Variants in FAM241A observed in about 807,000 individuals in gnomAD.
The protein encoded by FAM241A is family with sequence similarity 241 member A.
In FAM241A, 7 loss-of-function variants were observed where a neutral mutation model predicts 12.2. The ratio of observed to expected loss-of-function variants is 0.58; its 90% CI spans 0.33 to 1.08. The LOEUF is 1.08. Ranked by LOEUF, FAM241A falls within the 50% of genes least tolerant of loss-of-function variation. FAM241A has a pLI of 0.04. For synonymous variants in FAM241A, 74 were observed against 68.2 expected, an observed-to-expected ratio of 1.08 and a Z score of -0.42; for missense variants, 161 against 169.7, an observed-to-expected ratio of 0.95 and a Z score of 0.29.
Position 112,188,277 on chromosome 4 carries a change from C to A in FAM241A, c.*1339C>A, listed in dbSNP as rs1466875496. The A allele has an allele frequency of 6.6e-6, 1 of 152,092 alleles. No homozygotes were observed. Among genetic ancestry groups the A allele is most frequent in the African/African-American group, 2.4e-5 (1 of 41,444 alleles). 9.4% of individuals were successfully genotyped at this position (152,092 alleles called of 1,614,324 possible). ...GGCATTTGTATCTTTGGTAGGGCAACAAGTAAAACATGTAGAGTGCTTGCT... is the reference window on the plus strand; with the variant it reads ...GGCATTTGTATCTTTGGTAGGGCAAAAAGTAAAACATGTAGAGTGCTTGCT... On this transcript the variant is annotated 3_prime_UTR_variant, in exon 2 of 2. Transcript: ENST00000309733.
Position 112,145,719 on chromosome 4 carries a change from A to G in FAM241A, c.139A>G (p.Lys47Glu). The change falls in exon 1 of 2, where the codon AAG becomes GAG. Residue 47 changes from lysine (K) to glutamate (E), a missense_variant. By Grantham distance (56) the Lys-to-Glu change is moderately conservative (BLOSUM62 1). Coordinates refer to ENST00000309733, the MANE Select transcript of FAM241A (RefSeq NM_152400.3). ...CCCGCGGCGGCGCGGACAGCGGCCG[A>G]AGGAGAGCGAGCAGGTGAGCGCGGG... is the stretch of plus-strand genomic sequence containing the variant. ...ASPRRRGQRP[K>E]ESEQDVEDSQ... 8.4e-7 allele frequency: 1 copy of G among 1,193,336 alleles called. No homozygotes were observed. The highest frequency in any genetic ancestry group is 1.0e-6 in the Non-Finnish European group (1 of 963,442). The allele number at this position is 1,193,336 out of a possible 1,614,324, so 73.9% of individuals were successfully genotyped here.
At chr4:112,171,753 G>A (rs1723726103) in intron 1 of FAM241A, among the ~76,000 whole-genome samples, 2 of 152,128 alleles carry the variant, frequency 1.3e-5, no homozygotes, top group African/African-American at 4.8e-5. Flanking sequence ...CAGCTACTCA[G>A]GAGGCTGAGG....
In FAM241A at chr4:112,188,646, A is replaced by T. The variant is rs955962154; in HGVS notation, c.*1708A>T. On this transcript the variant is annotated 3_prime_UTR_variant, in exon 2 of 2. Transcript: ENST00000309733. ...GCACAATAGAATTGTGAGGTTTTCAATAGATGTCATGAGATTTTGTATATC... is the reference window on the plus strand; with the variant it reads ...GCACAATAGAATTGTGAGGTTTTCATTAGATGTCATGAGATTTTGTATATC... 1 of 152,156 alleles carries T rather than the reference A, an allele frequency of 6.6e-6. No homozygotes were observed. 9.4% of individuals were successfully genotyped at this position (152,156 alleles called of 1,614,324 possible). A position where few individuals can be genotyped will look rare whatever the true frequency, so the allele number is the denominator to read the frequency against.
rs1199078856 is a variant in FAM241A, at chr4:112,190,200, T to G, written c.*3262T>G. On this transcript the variant is annotated 3_prime_UTR_variant, in exon 2 of 2. Transcript: ENST00000309733. ...CAGAATGATAGAGGAAAAATTACAG[T>G]ATAAGTAAAGGTCTGTTGTAATATA... is the stretch of plus-strand genomic sequence containing the variant. 6.8e-6 allele frequency: 1 copy of G among 146,932 alleles called. No homozygotes were observed. Among genetic ancestry groups the G allele is most frequent in the Non-Finnish European group, 1.5e-5 (1 of 66,338 alleles). The allele number at this position is 146,932 out of a possible 1,614,324, so 9.1% of individuals were successfully genotyped here. A position where few individuals can be genotyped will look rare whatever the true frequency, so the allele number is the denominator to read the frequency against.
intron 1 of FAM241A, among the ~76,000 whole-genome samples, chr4:112,184,318 C>T (rs546272824): frequency 6.6e-6 from 1 of 152,216 alleles, no homozygotes; most frequent in South Asian, 2.1e-4. Flanking sequence ...TCACCTGAGG[C>T]CAGGAGTTCA....
rs1284199147 is a variant in FAM241A, at chr4:112,194,979, G to T, written c.*8041G>T. 6.6e-6 allele frequency: 1 copy of T among 152,102 alleles called. No homozygotes were observed. The highest frequency in any genetic ancestry group is 2.4e-5 in the African/African-American group (1 of 41,386). The allele number at this position is 152,102 out of a possible 1,614,324, so 9.4% of individuals were successfully genotyped here. ...AGTAGAGACGGGGTTTCACCATGTTGGCCAGGATGGTCTCAATCGCTTGAC... is the reference window on the plus strand; with the variant it reads ...AGTAGAGACGGGGTTTCACCATGTTTGCCAGGATGGTCTCAATCGCTTGAC... On this transcript the variant is annotated 3_prime_UTR_variant, in exon 2 of 2. Transcript: ENST00000309733.
In FAM241A at chr4:112,179,959, G is replaced by GTGTA. The variant is rs1232828517; in HGVS notation, c.154-6733_154-6732insGTAT. On this transcript the variant is annotated intron_variant, in intron 1 of 1. Transcript: ENST00000309733. ...TATATGTATATGTGTGTGTGTGTGTGTATATATATATATCACATATATTAC... is the reference window on the plus strand; with the variant it reads ...TATATGTATATGTGTGTGTGTGTGTGTGTATATATATATATATCACATATATTAC... Among the ~76,000 whole-genome samples the GTGTA allele has an allele frequency of 7.6e-4, 93 of 123,092 alleles. 2 individuals are homozygous for GTGTA. The highest frequency in any genetic ancestry group is 1.2e-3 in the Admixed American group (14 of 12,166). The allele number at this position is 123,092 out of a possible 152,430, so 80.8% of individuals were successfully genotyped here.
intron 1 of FAM241A, among the ~76,000 whole-genome samples, chr4:112,156,656 G>A (rs1443864393): frequency 6.6e-6 from 1 of 152,140 alleles, no homozygotes; most frequent in East Asian, 1.9e-4. Context: ...TGACTTCCCA[G>A]GTGAAATTAC....
rs576768170 is a variant in FAM241A at position 112,160,278 on chromosome 4, C to T, written c.153+14545C>T. ...CAAAAATTAGCTGGGCATGGTGATG[C>T]GTGCCTGTAATCCCAGCTACTCGGA... On this transcript the variant is annotated intron_variant, in intron 1 of 1. Coordinates refer to ENST00000309733, the MANE Select transcript of FAM241A (RefSeq NM_152400.3). 3.2e-3 allele frequency among the ~76,000 whole-genome samples: 485 copies of T among 151,822 alleles called. 3 individuals carry two copies. Among genetic ancestry groups the T allele is most frequent in the African/African-American group, 0.011 (435 of 41,400 alleles).
intron 1 of FAM241A, among the ~76,000 whole-genome samples, chr4:112,151,191 C>T (rs1037528484): frequency 2.0e-5 from 3 of 152,064 alleles, no homozygotes; most frequent in Non-Finnish European, 4.4e-5. Context: ...AATTGTCGCC[C>T]ACTTAGTTCA....
rs1578381187 is a variant in FAM241A, at chr4:112,186,834, C to A, written c.295C>A (p.Pro99Thr). The A allele has an allele frequency of 1.2e-6, 2 of 1,614,060 alleles. No homozygotes were observed. Among genetic ancestry groups the A allele is most frequent in the East Asian group, 2.2e-5 (1 of 44,880 alleles). ...RMYFGERIVEPVIVIFFWVML... is the reference protein window; with the variant it reads ...RMYFGERIVETVIVIFFWVML... ...GTATTTTGGAGAACGAATAGTGGAA[C>A]CAGTAATAGTCATTTTCTTTTGGGT... The change falls in exon 2 of 2, where the codon CCA becomes ACA. Residue 99 changes from proline (P) to threonine (T), a missense_variant. Physicochemically the swap from Pro to Thr is conservative, Grantham distance 38. Transcript: ENST00000309733.
chr4:112,186,242 G>A (rs997273309), intron 1 of FAM241A, among the ~76,000 whole-genome samples: 4 of 152,250 alleles, frequency 2.6e-5, no homozygotes, highest in Middle Eastern at 3.4e-3. Flanking sequence ...AGGAAACTAT[G>A]CAAGGGCCTG....
In FAM241A at chr4:112,170,886, GAA is replaced by G. The variant is rs34674981; in HGVS notation, c.154-15793_154-15792del. On this transcript the variant is annotated intron_variant, in intron 1 of 1. Transcript: ENST00000309733. ...CTTAACTGGATACAGTTAAAAATAG[GAA>G]AAAAAAAAAAAAAGCCCACTTTTGA... 2.5e-3 allele frequency among the ~76,000 whole-genome samples: 329 copies of G among 132,688 alleles called. 2 individuals carry two copies. The highest frequency in any genetic ancestry group is 7.8e-3 in the Middle Eastern group (2 of 258). 87.0% of individuals were successfully genotyped at this position (132,688 alleles called of 152,430 possible).
intron 1 of FAM241A, among the ~76,000 whole-genome samples, chr4:112,163,427 A>G (rs1242860175): frequency 6.6e-6 from 1 of 152,260 alleles, no homozygotes; most frequent in Non-Finnish European, 1.5e-5. Flanking sequence ...AAGGGCTAAT[A>G]TACAGAATCT....
chr4:112,184,332 C>T lies in FAM241A; in HGVS notation c.154-2361C>T, dbSNP rs193211276. ...ATCACCTGAGGCCAGGAGTTCAAGA[C>T]CAGTCTGACCAACATGGTGAAACCC... is the stretch of plus-strand genomic sequence containing the variant. On this transcript the variant is annotated intron_variant, in intron 1 of 1. Coordinates refer to ENST00000309733, the MANE Select transcript of FAM241A (RefSeq NM_152400.3). Among the ~76,000 whole-genome samples the T allele has an allele frequency of 3.3e-4, 50 of 152,276 alleles. 2 individuals are homozygous for T. The East Asian group carries it at 9.5e-3, about 29-fold the overall frequency.
intron 1 of FAM241A, 38 bp downstream of exon 1, chr4:112,145,771 C>CG: frequency 1.2e-6 from 1 of 819,436 alleles, no homozygotes. Flanking sequence ...GCGGCCGGGT[C>CG]GGGGGCCGCG....
intron 1 of FAM241A, among the ~76,000 whole-genome samples, chr4:112,151,420 G>A (rs1723242704): frequency 6.6e-6 from 1 of 152,130 alleles, no homozygotes; most frequent in South Asian, 2.1e-4. Flanking sequence ...AAATTATCCA[G>A]TGCTATATTG....
intron 1 of FAM241A, among the ~76,000 whole-genome samples, chr4:112,168,418 G>T (rs1474359636): frequency 6.6e-6 from 1 of 152,108 alleles, no homozygotes; most frequent in African/African-American, 2.4e-5. Flanking sequence ...AAAAAAATCA[G>T]CCAAGTCAAT....
At chr4:112,149,119 T>C (rs1196450450) in intron 1 of FAM241A, among the ~76,000 whole-genome samples, 1 of 151,716 alleles carries the variant, frequency 6.6e-6, no homozygotes, top group Non-Finnish European at 1.5e-5. Context: ...TGATATCAAA[T>C]ATGAAACTTG....
Sources: allele counts gnomAD v4.1 joint callset (sites outside exome capture counted in the v4.1 genomes callset), GRCh38; gene constraint gnomAD v4.1.1; transcripts MANE v1.5; gene names NCBI Gene and HGNC (gene_info 2026-07-23, HGNC 2026-07-21).